The following AGBL1 variants were observed in gnomAD, a reference collection of about 807,000 sequenced individuals.
AGBL1 encodes the protein cytosolic carboxypeptidase 4.
In AGBL1, 130 loss-of-function variants were observed where a neutral mutation model predicts 118.9. The ratio of observed to expected loss-of-function variants is 1.09; its 90% CI spans 0.95 to 1.26. The LOEUF (loss-of-function observed/expected upper bound fraction) is 1.26. Among genes scored for constraint, AGBL1 ranks in the 50% most tolerant of loss-of-function variants. AGBL1 has a pLI of 0.00. For synonymous variants in AGBL1, 555 were observed against 478.9 expected (o/e 1.16, Z -2.08); for missense variants, 1,584 against 1,298.1 (o/e 1.22, Z -3.38).
At chr15:86,778,051 G>C (rs560648913) in intron 22 of AGBL1, among the ~76,000 whole-genome samples, 43 of 152,280 alleles carry the variant, frequency 2.8e-4, no homozygotes, top group African/African-American at 1.0e-3. Context: ...GTACAAAAGA[G>C]AGAAATTTTA....
intron 23 of AGBL1, among the ~76,000 whole-genome samples, chr15:86,927,951 ATG>A (rs1282686315): frequency 1.5e-5 from 2 of 137,416 alleles, no homozygotes; most frequent in African/African-American, 5.3e-5. Flanking sequence ...TATATATAAA[ATG>A]TGTGTGTATG....
chr15:86,224,795 G>T, intron 5 of AGBL1, 119 bp from the exon 6 acceptor site: 1 of 905,278 alleles, frequency 1.1e-6, no homozygotes, highest in Non-Finnish European at 1.8e-6. Flanking sequence ...TAGATTGCCT[G>T]CTACCTGGTT....
In AGBL1 at chr15:86,544,683, C is replaced by A. The variant is rs143640753; in HGVS notation, c.2686-1319C>A. ...GGAGAACAGCATGGCAAAGACCTAC[C>A]CCCATGATTTAATTGCTTCCACCTG... is the stretch of plus-strand genomic sequence containing the variant. On this transcript the variant is annotated intron_variant, in intron 19 of 22. Coordinates refer to ENST00000614907, the MANE Select transcript of AGBL1 (RefSeq NM_001386094.1). Among the ~76,000 whole-genome samples the A allele has an allele frequency of 3.6e-3, 543 of 152,216 alleles. 4 individuals are homozygous for A. Among genetic ancestry groups the A allele is most frequent in the African/African-American group, 0.012 (510 of 41,532 alleles).
chr15:86,128,195 GC>G (rs2076772799), intron 1 of AGBL1, among the ~76,000 whole-genome samples: 1 of 152,014 alleles, frequency 6.6e-6, no homozygotes, highest in Non-Finnish European at 1.5e-5. Context: ...GTTCCACATG[GC>G]TGGGGAGTCT....
intron 23 of AGBL1, among the ~76,000 whole-genome samples, chr15:86,968,172 G>T (rs893867546): frequency 2.0e-5 from 3 of 151,948 alleles, no homozygotes; most frequent in East Asian, 3.9e-4. Context: ...AAATCATTTG[G>T]AGTAGTGACA....
At chr15:86,648,652 C>T (rs958764504) in intron 21 of AGBL1, among the ~76,000 whole-genome samples, 9 of 152,168 alleles carry the variant, frequency 5.9e-5, no homozygotes, top group African/African-American at 2.2e-4. Context: ...GTAAATTTGA[C>T]TTATTCCTGG....
At chr15:86,344,453 C>T (rs1027769872) in intron 17 of AGBL1, among the ~76,000 whole-genome samples, 2 of 152,054 alleles carry the variant, frequency 1.3e-5, no homozygotes, top group African/African-American at 4.8e-5. Context: ...GTGAATGGAG[C>T]CCCCTAGAGT....
intron 22 of AGBL1, among the ~76,000 whole-genome samples, chr15:86,709,222 T>C (rs781568388): frequency 2.0e-5 from 3 of 152,168 alleles, no homozygotes; most frequent in Admixed American, 6.6e-5. Context: ...ATAAAACTTT[T>C]CTTACATCAG....
intron 18 of AGBL1, among the ~76,000 whole-genome samples, chr15:86,413,264 A>G (rs2081646562): frequency 6.6e-6 from 1 of 152,160 alleles, no homozygotes; most frequent in South Asian, 2.1e-4. Flanking sequence ...CAGGCCTAAA[A>G]CTTTCCCCAC....
At chr15:86,657,098 C>T (rs1474925407) in intron 21 of AGBL1, among the ~76,000 whole-genome samples, 1 of 152,166 alleles carries the variant, frequency 6.6e-6, no homozygotes, top group Non-Finnish European at 1.5e-5. Flanking sequence ...CCCTCACCTT[C>T]CTCGTTTCTC....
chr15:86,534,112 TAAAAAAAAAAA>T (rs61563504), intron 19 of AGBL1, among the ~76,000 whole-genome samples: 1 of 96,520 alleles, frequency 1.0e-5, no homozygotes, highest in African/African-American at 3.7e-5. Context: ...TAAAGTATAA[TAAAAAAAAAAA>T]AAAAAAAAAA....
chr15:86,892,686 T>A (rs1266818795), intron 22 of AGBL1, among the ~76,000 whole-genome samples: 4 of 152,232 alleles, frequency 2.6e-5, no homozygotes, highest in Non-Finnish European at 5.9e-5. Flanking sequence ...TTTATTCTTA[T>A]TCTTTTCTCA....
chr15:86,580,705 T>G (rs1411616764), intron 21 of AGBL1, among the ~76,000 whole-genome samples: 3 of 152,174 alleles, frequency 2.0e-5, no homozygotes, highest in South Asian at 2.1e-4. Context: ...ATTTTTTTGT[T>G]GAGAACATTC....
intron 17 of AGBL1, among the ~76,000 whole-genome samples, chr15:86,331,223 C>CAAA (rs71144041): frequency 4.1e-5 from 4 of 97,128 alleles, no homozygotes; most frequent in Admixed American, 1.1e-4. Flanking sequence ...GACTCCATCT[C>CAAA]AAAAAAAAAA....
intron 22 of AGBL1, among the ~76,000 whole-genome samples, chr15:86,858,880 C>T (rs967686164): frequency 6.6e-6 from 1 of 152,142 alleles, no homozygotes; most frequent in African/African-American, 2.4e-5. Context: ...AGGCCTTCTT[C>T]TCAGTTGTAT....
chr15:86,460,139 A>C (rs2082313321), intron 18 of AGBL1, among the ~76,000 whole-genome samples: 2 of 151,750 alleles, frequency 1.3e-5, no homozygotes, highest in Admixed American at 6.6e-5. Context: ...CTTAGGTGTC[A>C]CTTGCAGCTA....
rs770556494 is a variant in AGBL1 at position 86,870,454 on chromosome 15, C to CAAAAAAAAAAAAAAAAAAAAAAAAAAA, written c.3159-36617_3159-36591dup. On this transcript the variant is annotated intron_variant, in intron 22 of 22. Coordinates refer to ENST00000614907, the MANE Select transcript of AGBL1 (RefSeq NM_001386094.1). ...GGCAAGAAAAAAGTAAAGCATACTG[C>CAAAAAAAAAAAAAAAAAAAAAAAAAAA]AAAAAAAAAAAAAAAAAAAAAAAAA... Among the ~76,000 whole-genome samples the CAAAAAAAAAAAAAAAAAAAAAAAAAAA allele has an allele frequency of 5.5e-4, 35 of 64,120 alleles. 3 individuals are homozygous for CAAAAAAAAAAAAAAAAAAAAAAAAAAA. The highest frequency in any genetic ancestry group is 1.4e-3 in the South Asian group (2 of 1,472). 42.1% of individuals were successfully genotyped at this position (64,120 alleles called of 152,430 possible).
At chr15:86,248,393 T>C (rs1474857388) in intron 7 of AGBL1, among the ~76,000 whole-genome samples, 1 of 152,210 alleles carries the variant, frequency 6.6e-6, no homozygotes, top group Non-Finnish European at 1.5e-5. Context: ...ATTTGTTGAA[T>C]ACACACTACC....
chr15:86,520,731 A>G (rs2083178879), intron 18 of AGBL1, among the ~76,000 whole-genome samples: 1 of 152,208 alleles, frequency 6.6e-6, no homozygotes, highest in Admixed American at 6.5e-5. Context: ...GAAAAAACAA[A>G]TCCCCAGTGT....
Sources: gnomAD v4.1 joint callset for allele counts (sites outside exome capture counted in the v4.1 genomes callset) on GRCh38, gnomAD v4.1.1 for gene constraint, MANE v1.5 for transcripts, NCBI Gene and HGNC (gene_info 2026-07-23, HGNC 2026-07-21) for gene names.